CELF5: variants seen among roughly 807,000 people sequenced by gnomAD.
The protein encoded by CELF5 is CUG-BP and ETR-3 like factor 5.
In CELF5, 6 loss-of-function variants were observed where a neutral mutation model predicts 54.9. The ratio of observed to expected loss-of-function variants is 0.11; its 90% CI spans 0.06 to 0.22. The LOEUF is 0.22. Ranked by LOEUF, CELF5 falls within the 10% of genes least tolerant of loss-of-function variation. The pLI is 1.00. For synonymous variants in CELF5, 271 were observed against 290.9 expected (o/e 0.93, Z 0.70); for missense variants, 401 against 678.6 (o/e 0.59, Z 4.54).
chr19:3,252,547 C>A (rs929398308), intron 2 of CELF5, among the ~76,000 whole-genome samples: 6 of 152,152 alleles, frequency 3.9e-5, no homozygotes, highest in African/African-American at 1.4e-4. Flanking sequence ...TCTCAGGGAC[C>A]TTTCAGCCTC....
intron 2 of CELF5, among the ~76,000 whole-genome samples, chr19:3,257,913 C>T (rs535614657): frequency 1.9e-4 from 29 of 151,824 alleles, no homozygotes; most frequent in Non-Finnish European, 3.1e-4. Context: ...TGACCTCCCA[C>T]CTCAGCCTCC....
At chr19:3,271,809 G>C (rs897938972) in intron 2 of CELF5, among the ~76,000 whole-genome samples, 2 of 152,018 alleles carry the variant, frequency 1.3e-5, no homozygotes, top group African/African-American at 4.8e-5. Flanking sequence ...AGCTGGAACG[G>C]GTCTTAGAGA....
intron 1 of CELF5, among the ~76,000 whole-genome samples, chr19:3,244,161 G>A (rs1047626775): frequency 6.6e-6 from 1 of 151,994 alleles, no homozygotes; most frequent in African/African-American, 2.4e-5. Context: ...AAGAGGTTGG[G>A]CCAAGAGATC....
intron 2 of CELF5, among the ~76,000 whole-genome samples, chr19:3,263,627 G>A (rs552744950): frequency 2.0e-5 from 3 of 151,920 alleles, no homozygotes; most frequent in Non-Finnish European, 4.4e-5. Flanking sequence ...ACACACGGCC[G>A]GGCACGGTGG....
At position 3,281,542 on chromosome 19, in the gene CELF5, T is replaced by G. The variant is rs1397512460; in HGVS notation, c.750+197T>G. On this transcript the variant is annotated intron_variant, in intron 6 of 12. Transcript: ENST00000292672. The surrounding 1 kb of genome is among the most constrained non-coding windows in gnomAD (Gnocchi z 6.5). ...AGAAGACTGAGCCCTAATCTCACAG[T>G]AACACCCAATCTTGGACCGAGCCCC... Among the ~76,000 whole-genome samples the G allele has an allele frequency of 2.6e-5, 4 of 152,108 alleles. No individual in the cohort carries two copies. Among genetic ancestry groups the G allele is most frequent in the African/African-American group, 9.7e-5 (4 of 41,424 alleles).
intron 1 of CELF5, among the ~76,000 whole-genome samples, chr19:3,245,388 C>CTG (rs1028062974): frequency 7.4e-6 from 1 of 135,806 alleles, no homozygotes; most frequent in South Asian, 2.4e-4. Flanking sequence ...GTGTATGCAT[C>CTG]TGTGTGTGTG....
At chr19:3,260,015 G>A (rs895351587) in intron 2 of CELF5, among the ~76,000 whole-genome samples, 1 of 152,120 alleles carries the variant, frequency 6.6e-6, no homozygotes, top group Non-Finnish European at 1.5e-5. Flanking sequence ...TATTTAAAAA[G>A]TAAAAAAGAA....
At position 3,228,594 on chromosome 19, in the gene CELF5, T is replaced by C. The variant is rs1917059879; in HGVS notation, c.259+3596T>C. 7.5e-6 allele frequency among the ~76,000 whole-genome samples: 1 copy of C among 133,550 alleles called. No homozygotes were observed. The highest frequency in any genetic ancestry group is 2.8e-5 in the African/African-American group (1 of 36,218). 87.6% of individuals were successfully genotyped at this position (133,550 alleles called of 152,430 possible). A position where few individuals can be genotyped will look rare whatever the true frequency, so the allele number is the denominator to read the frequency against. ...ACAATATTTGTCTTAAAGCGGAGGTTGCGCTGGGGGACGGTGCAGGTGGGG... is the reference window on the plus strand; with the variant it reads ...ACAATATTTGTCTTAAAGCGGAGGTCGCGCTGGGGGACGGTGCAGGTGGGG... On this transcript the variant is annotated intron_variant, in intron 1 of 12. Coordinates refer to ENST00000292672, the MANE Select transcript of CELF5 (RefSeq NM_021938.4). This position sits in a 1 kb window ranked among gnomAD's most constrained non-coding sequence, Gnocchi z 6.0.
At chr19:3,237,945 A>T (rs2079440043) in intron 1 of CELF5, among the ~76,000 whole-genome samples, 1 of 152,066 alleles carries the variant, frequency 6.6e-6, no homozygotes, top group African/African-American at 2.4e-5. Flanking sequence ...GCTACTCGGG[A>T]GGCTGAGGCA....
intron 2 of CELF5, among the ~76,000 whole-genome samples, chr19:3,257,569 G>A (rs905568861): frequency 6.0e-5 from 9 of 149,680 alleles, no homozygotes; most frequent in East Asian, 2.0e-4. Context: ...TCTGCCTCCC[G>A]GGTTCAAGCG....
intron 1 of CELF5, among the ~76,000 whole-genome samples, chr19:3,249,792 C>T (rs1429374378): frequency 6.6e-6 from 1 of 152,216 alleles, no homozygotes; most frequent in Non-Finnish European, 1.5e-5. Context: ...AGGGGGAGCG[C>T]ATGATCCAAG....
chr19:3,261,290 T>G (rs1781001561), intron 2 of CELF5, among the ~76,000 whole-genome samples: 1 of 151,958 alleles, frequency 6.6e-6, no homozygotes, highest in Non-Finnish European at 1.5e-5. Context: ...TGGTGGTGCA[T>G]GCCTGTAATC....
chr19:3,244,962 G>A (rs1036247019), intron 1 of CELF5, among the ~76,000 whole-genome samples: 2 of 139,564 alleles, frequency 1.4e-5, no homozygotes, highest in Non-Finnish European at 3.1e-5. Flanking sequence ...CATGCATCTT[G>A]TCTGCGTGTG....
chr19:3,286,750 A>G (rs2080255517), intron 10 of CELF5: 1 of 150,378 alleles, frequency 6.6e-6, no homozygotes, highest in African/African-American at 2.4e-5. Context: ...AAAAAAAAAA[A>G]AAGGCCGGGC....
intron 11 of CELF5, among the ~76,000 whole-genome samples, chr19:3,291,176 C>T (rs1196524077): frequency 4.6e-5 from 7 of 151,666 alleles, no homozygotes; most frequent in East Asian, 3.9e-4. Flanking sequence ...GGAGGTGGGA[C>T]GATCCCTTGA....
rs1185798916 is a variant in CELF5 at position 3,275,215 on chromosome 19, G to A, written c.395-641G>A. Among the ~76,000 whole-genome samples the A allele has an allele frequency of 1.3e-5, 2 of 152,180 alleles. No homozygotes were observed. Among genetic ancestry groups the A allele is most frequent in the East Asian group, 3.8e-4 (2 of 5,198 alleles). On this transcript the variant is annotated intron_variant, in intron 3 of 12. Coordinates refer to ENST00000292672, the MANE Select transcript of CELF5 (RefSeq NM_021938.4). This position sits in a 1 kb window ranked among gnomAD's most constrained non-coding sequence, Gnocchi z 6.7. ...GGCAGAGCTCACACAGGAGAGGCTG[G>A]CCCAGCTCCGGCCTCAGACCAGGTT...
intron 1 of CELF5, among the ~76,000 whole-genome samples, chr19:3,244,863 T>C (rs1599404210): frequency 6.7e-6 from 1 of 149,090 alleles, no homozygotes; most frequent in Non-Finnish European, 1.5e-5. Context: ...GTGTGTGTAG[T>C]GTGTGGTGTG....
At chr19:3,248,511 C>T (rs2079597950) in intron 1 of CELF5, among the ~76,000 whole-genome samples, 1 of 152,072 alleles carries the variant, frequency 6.6e-6, no homozygotes, top group Non-Finnish European at 1.5e-5. Flanking sequence ...ATGGTGTTCT[C>T]AAGGTTCACC....
At chr19:3,235,646 G>GATGGATGGA (rs1568330031) in intron 1 of CELF5, among the ~76,000 whole-genome samples, 4 of 44,600 alleles carry the variant, frequency 9.0e-5, no homozygotes, top group African/African-American at 3.5e-4. Context: ...GGGTGGATGA[G>GATGGATGGA]TGGATGGATG....
Sources: allele counts gnomAD v4.1 joint callset (sites outside exome capture counted in the v4.1 genomes callset), GRCh38; gene constraint gnomAD v4.1.1; non-coding constraint Gnocchi (gnomAD v3.1); transcripts MANE v1.5; gene names NCBI Gene and HGNC (gene_info 2026-07-23, HGNC 2026-07-21).